Variants in IP6K1 observed in about 807,000 individuals in gnomAD.
IP6K1 encodes ATP:1D-myo-inositol-hexakisphosphate phosphotransferase.
Under a neutral mutation model 38.3 loss-of-function variants are expected in IP6K1, and 13 were observed. The observed-to-expected ratio is 0.34, with a 90% CI of 0.22 to 0.54. The LOEUF is 0.54. IP6K1 is among the 20% of genes least tolerant of loss of function. The pLI, the probability that IP6K1 is intolerant of heterozygous loss-of-function variation, is 0.92. For missense variants in IP6K1, 397 were observed against 599.8 expected, an observed-to-expected ratio of 0.66 and a Z score of 3.53; for synonymous variants, 212 against 229.9, an observed-to-expected ratio of 0.92 and a Z score of 0.70.
chr3:49,732,876 C>A lies in IP6K1; in HGVS notation c.531G>T (p.Lys177Asn). The A allele has an allele frequency of 6.2e-7, 1 of 1,614,078 alleles. No individual in the cohort carries two copies. Among genetic ancestry groups the A allele is most frequent in the Non-Finnish European group, 8.5e-7 (1 of 1,179,972 alleles). ...GCAGGCTCCAGGGGTTGTGGCTGAT[C>A]TTCTCAGAACTCAAGCCACTGTTGC... ...LDGNSGLSSE[K>N]ISHNPWSLRC... Residue 177 changes from lysine to asparagine, a missense_variant, in exon 4 of 6, where the codon AAG becomes AAT. By Grantham distance (94) the Lys-to-Asn change is moderately conservative. Around this residue, in one of 3 missense-constraint regions of IP6K1, gnomAD observed 171 missense variants for 237.0 expected, o/e 0.72. Coordinates refer to ENST00000321599, the MANE Select transcript of IP6K1 (RefSeq NM_153273.4).
At chr3:49,753,016 C>G (rs1398903485) in intron 1 of IP6K1, among the ~76,000 whole-genome samples, 1 of 152,132 alleles carries the variant, frequency 6.6e-6, no homozygotes, top group African/African-American at 2.4e-5. Context: ...CTGCCTCAGC[C>G]TCCCAAAGTG....
Position 49,748,052 on chromosome 3 carries a change from C to T in IP6K1, c.-12G>A, listed in dbSNP as rs750517104. 1 of 1,612,324 alleles carries T rather than the reference C, an allele frequency of 6.2e-7. No individual in the cohort carries two copies. The highest frequency in any genetic ancestry group is 8.5e-7 in the Non-Finnish European group (1 of 1,179,906). On this transcript the variant is annotated 5_prime_UTR_variant, in exon 2 of 6. Transcript: ENST00000321599. Reference sequence around the variant, plus strand: ...TGACAAACACACATTGCGTTGGGGGCCAGTTGCACACTGAGGGCAGAGGAT... The same window carrying T: ...TGACAAACACACATTGCGTTGGGGGTCAGTTGCACACTGAGGGCAGAGGAT...
chr3:49,740,861 T>C (rs1033166821), intron 2 of IP6K1, among the ~76,000 whole-genome samples: 1 of 151,532 alleles, frequency 6.6e-6, no homozygotes, highest in Non-Finnish European at 1.5e-5. Context: ...TTTTTCTTTT[T>C]TTTTTTTTTT....
chr3:49,778,527 G>T (rs901493443), intron 1 of IP6K1, among the ~76,000 whole-genome samples: 1 of 152,142 alleles, frequency 6.6e-6, no homozygotes, highest in African/African-American at 2.4e-5. Flanking sequence ...CAGCTACTCA[G>T]GAGGCTGAGG....
chr3:49,751,780 G>T (rs2080779333), intron 1 of IP6K1, among the ~76,000 whole-genome samples: 1 of 152,180 alleles, frequency 6.6e-6, no homozygotes, highest in South Asian at 2.1e-4. Context: ...TGCGTAAAAT[G>T]CAAAGAACGC....
intron 1 of IP6K1, among the ~76,000 whole-genome samples, chr3:49,781,638 G>A (rs935462009): frequency 1.3e-5 from 2 of 152,170 alleles, no homozygotes; most frequent in Non-Finnish European, 2.9e-5. Context: ...CATTTGGTTA[G>A]TGGGGATTAG....
chr3:49,754,549 A>G (rs2080805951), intron 1 of IP6K1, among the ~76,000 whole-genome samples: 1 of 152,148 alleles, frequency 6.6e-6, no homozygotes, highest in South Asian at 2.1e-4. Flanking sequence ...AAGGAGAAGA[A>G]CCAGACTAAA....
chr3:49,727,338 T>C lies in IP6K1; in HGVS notation c.1110A>G (p.Ser370=). The C allele has an allele frequency of 6.2e-7, 1 of 1,614,084 alleles. No individual in the cohort carries two copies. Among genetic ancestry groups the C allele is most frequent in the Non-Finnish European group, 8.5e-7 (1 of 1,180,008 alleles). Residue 370 remains serine, a synonymous_variant, in exon 6 of 6, where the codon TCA becomes TCG. Transcript: ENST00000321599. This position sits in a 1 kb window ranked among gnomAD's most constrained non-coding sequence, Gnocchi z 5.9. The part of the protein sequence containing the change: ...HLDMVLPEVA[S]SCGPSTSPSN... ...TGGGGCTGGTGCTGGGGCCACAGGA[T>C]GACGCCACCTCAGGGAGCACCATGT...
At chr3:49,761,879 G>C (rs1277409311) in intron 1 of IP6K1, among the ~76,000 whole-genome samples, 1 of 151,970 alleles carries the variant, frequency 6.6e-6, no homozygotes, top group Non-Finnish European at 1.5e-5. Context: ...CCAGGAGTTT[G>C]AGGTTACAGT....
At chr3:49,750,528 C>G (rs2080763747) in intron 1 of IP6K1, among the ~76,000 whole-genome samples, 1 of 152,112 alleles carries the variant, frequency 6.6e-6, no homozygotes, top group Middle Eastern at 3.4e-3. Context: ...AACCCCGTCT[C>G]TTCTAAAAAT....
At position 49,725,135 on chromosome 3, in the gene IP6K1, T is replaced by C. The variant is rs2080486391; in HGVS notation, c.*1987A>G. On this transcript the variant is annotated 3_prime_UTR_variant, in exon 6 of 6. Coordinates refer to ENST00000321599, the MANE Select transcript of IP6K1 (RefSeq NM_153273.4). ...AGCAGCAAATCCCAGGCCTTCCCACTCTTTGTAGTGCCAGGAAAATACTGA... is the reference window on the plus strand; with the variant it reads ...AGCAGCAAATCCCAGGCCTTCCCACCCTTTGTAGTGCCAGGAAAATACTGA... 1 of 152,576 alleles carries C rather than the reference T, an allele frequency of 6.6e-6. No homozygotes were observed. Among genetic ancestry groups the C allele is most frequent in the Non-Finnish European group, 1.5e-5 (1 of 68,036 alleles). The allele number at this position is 152,576 out of a possible 1,614,324, so 9.5% of individuals were successfully genotyped here. A position where few individuals can be genotyped will look rare whatever the true frequency, so the allele number is the denominator to read the frequency against.
intron 1 of IP6K1, among the ~76,000 whole-genome samples, chr3:49,754,468 G>A (rs1432098378): frequency 1.3e-5 from 2 of 152,182 alleles, no homozygotes; most frequent in Non-Finnish European, 2.9e-5. Flanking sequence ...AGGACTGCTT[G>A]AGGCCAGGAG....
chr3:49,748,177 A>G lies in IP6K1; in HGVS notation c.-128-9T>C. The stretch of plus-strand genomic sequence containing the variant: ...CAGCTTATTATTCTGTCCTACAGAA[A>G]AGAAGAGAGGAAGAAGGAATCAAAA... On this transcript the variant is annotated splice_polypyrimidine_tract_variant and intron_variant, in intron 1 of 5. Coordinates refer to ENST00000321599, the MANE Select transcript of IP6K1 (RefSeq NM_153273.4). The G allele has an allele frequency of 2.3e-6, 2 of 868,134 alleles. No homozygotes were observed. The allele number at this position is 868,134 out of a possible 1,614,324, so 53.8% of individuals were successfully genotyped here.
At chr3:49,756,261 T>C (rs2080821812) in intron 1 of IP6K1, among the ~76,000 whole-genome samples, 1 of 152,190 alleles carries the variant, frequency 6.6e-6, no homozygotes, top group Admixed American at 6.5e-5. Context: ...GGACCTGAGA[T>C]GTGCCAGCCC....
chr3:49,737,276 C>G (rs1211630801), intron 3 of IP6K1, among the ~76,000 whole-genome samples: 1 of 152,092 alleles, frequency 6.6e-6, no homozygotes, highest in Non-Finnish European at 1.5e-5. Flanking sequence ...ACCTTCCTAC[C>G]AGCAGTGTAG....
At chr3:49,739,147 G>A (rs1370559085) in intron 2 of IP6K1, among the ~76,000 whole-genome samples, 1 of 151,800 alleles carries the variant, frequency 6.6e-6, no homozygotes, top group African/African-American at 2.4e-5. Context: ...AGGTTTTGAA[G>A]GGAAAAAAAA....
intron 3 of IP6K1, among the ~76,000 whole-genome samples, chr3:49,734,068 G>A (rs895619454): frequency 2.6e-5 from 4 of 152,136 alleles, no homozygotes; most frequent in African/African-American, 9.7e-5. Flanking sequence ...AGCCCAGGGG[G>A]CTGAGGATGC....
At position 49,738,289 on chromosome 3, in the gene IP6K1, G is replaced by A; in HGVS notation, c.357C>T (p.Arg119=). The change falls in exon 3 of 6, where the codon CGC becomes CGT. Residue 119 remains arginine (R), a synonymous_variant. Coordinates refer to ENST00000321599, the MANE Select transcript of IP6K1 (RefSeq NM_153273.4). ...EREQPRRKHS[R]RSLHRSGSGS... ...CACTGCCTGACCGGTGCAGGCTCCG[G>A]CGGGAGTGTTTGCGCCGAGGTTGCT... The A allele has an allele frequency of 6.2e-7, 1 of 1,614,208 alleles. No homozygotes were observed. The highest frequency in any genetic ancestry group is 8.5e-7 in the Non-Finnish European group (1 of 1,180,044).
In IP6K1 at chr3:49,726,061, TCAGA is replaced by T. The variant is rs1301370542; in HGVS notation, c.*1057_*1060del. ...GACAAACTGATGGACCCAGGACTGATCAGACAAAGCTCTCATTAGCAGAATGTGG... is the reference window on the plus strand; with the variant it reads ...GACAAACTGATGGACCCAGGACTGATCAAAGCTCTCATTAGCAGAATGTGG... On this transcript the variant is annotated 3_prime_UTR_variant, in exon 6 of 6. Transcript: ENST00000321599. The T allele has an allele frequency of 2.0e-5, 3 of 152,366 alleles. No individual in the cohort carries two copies. Among genetic ancestry groups the T allele is most frequent in the Admixed American group, 1.3e-4 (2 of 15,286 alleles). 9.4% of individuals were successfully genotyped at this position (152,366 alleles called of 1,614,324 possible). A position where few individuals can be genotyped will look rare whatever the true frequency, so the allele number is the denominator to read the frequency against.
Sources: gnomAD v4.1 joint callset for allele counts (sites outside exome capture counted in the v4.1 genomes callset) on GRCh38, gnomAD v4.1.1 for gene constraint, gnomAD v4.1.1 regional missense constraint, Gnocchi (gnomAD v3.1) non-coding constraint, MANE v1.5 for transcripts, NCBI Gene and HGNC (gene_info 2026-07-23, HGNC 2026-07-21) for gene names.